ATE1: variants seen among roughly 807,000 people sequenced by gnomAD.
The protein encoded by ATE1 is arginyl-tRNA--protein transferase 1.
Under a neutral mutation model 70.5 loss-of-function variants are expected in ATE1, and 36 were observed. The ratio of observed to expected loss-of-function variants is 0.51; its 90% confidence interval spans 0.39 to 0.67. The LOEUF (loss-of-function observed/expected upper bound fraction) is 0.67. Among genes scored for constraint, ATE1 ranks in the 30% least tolerant of loss-of-function variants. The pLI is 0.00. For synonymous variants in ATE1, 232 were observed against 219.3 expected (o/e 1.06, Z -0.51); for missense variants, 593 against 629.5 (o/e 0.94, Z 0.62).
rs528034769 is a variant in ATE1, at chr10:121,854,017, C to T, written c.976-12754G>A. ...GGCCTCACCTCTTAGAATACTATGACACTGAGTATTAGGTTCTAACATATA... is the reference window on the plus strand; with the variant it reads ...GGCCTCACCTCTTAGAATACTATGATACTGAGTATTAGGTTCTAACATATA... On this transcript the variant is annotated intron_variant, in intron 8 of 11. Coordinates refer to ENST00000224652, the MANE Select transcript of ATE1 (RefSeq NM_001001976.3). Among the ~76,000 whole-genome samples, 16 of 152,310 alleles carry T rather than the reference C, an allele frequency of 1.1e-4. No homozygotes were observed. In the Middle Eastern group the frequency reaches 0.01, roughly 97 times the overall value.
chr10:121,809,932 G>T (rs562048832), intron 10 of ATE1, among the ~76,000 whole-genome samples: 3 of 152,000 alleles, frequency 2.0e-5, no homozygotes, highest in African/African-American at 7.2e-5. Flanking sequence ...CCAGAGGTTA[G>T]TGGTCAACAG....
rs7906948 is a variant in ATE1 at position 121,909,358 on chromosome 10, T to C, written c.583+1548A>G. Among the ~76,000 whole-genome samples the C allele has an allele frequency of 7.9e-3, 1,197 of 152,286 alleles. 18 individuals carry two copies. Among genetic ancestry groups the C allele is most frequent in the African/African-American group, 0.028 (1,157 of 41,560 alleles). On this transcript the variant is annotated intron_variant, in intron 5 of 11. Transcript: ENST00000224652. ...TTATCTGGATCCTAACACAAACAAA[T>C]GTTTAAAAATTGGAATTTGAACACT...
At chr10:121,817,505 C>T (rs1185743681) in intron 10 of ATE1, among the ~76,000 whole-genome samples, 2 of 151,056 alleles carry the variant, frequency 1.3e-5, no homozygotes, top group East Asian at 1.9e-4. Context: ...CGCCACTGCA[C>T]TCCAGCCTGG....
At chr10:121,781,294 G>A (rs1053224859) in intron 11 of ATE1, among the ~76,000 whole-genome samples, 1 of 152,142 alleles carries the variant, frequency 6.6e-6, no homozygotes, top group Admixed American at 6.5e-5. Flanking sequence ...GGCAGGCAAG[G>A]TCTGTCTCTC....
chr10:121,806,017 G>C (rs1047900602), intron 10 of ATE1, among the ~76,000 whole-genome samples: 1 of 152,162 alleles, frequency 6.6e-6, no homozygotes, highest in African/African-American at 2.4e-5. Flanking sequence ...AGCATCACAT[G>C]GGTAGTATTC....
intron 11 of ATE1, among the ~76,000 whole-genome samples, chr10:121,749,527 TAC>T (rs56700054): frequency 0.014 from 2,102 of 152,276 alleles, 44 homozygotes; most frequent in African/African-American, 0.048. Context: ...AAAGGAAAGA[TAC>T]ACTATCCATT....
chr10:121,879,247 T>C (rs957148452), intron 7 of ATE1, among the ~76,000 whole-genome samples: 2 of 152,176 alleles, frequency 1.3e-5, no homozygotes, highest in African/African-American at 2.4e-5. Context: ...CTACCTGAAA[T>C]GTACTTCCCC....
intron 8 of ATE1, among the ~76,000 whole-genome samples, chr10:121,858,328 C>T (rs796467896): frequency 5.7e-4 from 86 of 152,212 alleles, no homozygotes; most frequent in African/African-American, 1.9e-3. Context: ...TACAACCATG[C>T]CAACAGTTAC....
At chr10:121,806,308 C>T (rs929581492) in intron 10 of ATE1, among the ~76,000 whole-genome samples, 12 of 152,008 alleles carry the variant, frequency 7.9e-5, no homozygotes, top group Non-Finnish European at 1.5e-4. Context: ...TAAAAATTAG[C>T]CAGATGTGAT....
At chr10:121,900,521 C>A (rs1950939476) in intron 6 of ATE1, among the ~76,000 whole-genome samples, 2 of 152,178 alleles carry the variant, frequency 1.3e-5, no homozygotes, top group Admixed American at 1.3e-4. Context: ...TCAAATCTTA[C>A]AATGTCACCA....
chr10:121,770,233 AACACACACACACAC>A (rs3036837), intron 11 of ATE1, among the ~76,000 whole-genome samples: 1,381 of 136,924 alleles, frequency 0.01, 19 homozygotes, highest in Non-Finnish European at 0.015. Context: ...ACAAGAGAGA[AACACACACACACAC>A]ACACACACAC....
At chr10:121,886,447 C>G (rs1449114977) in intron 7 of ATE1, among the ~76,000 whole-genome samples, 2 of 152,030 alleles carry the variant, frequency 1.3e-5, no homozygotes, top group African/African-American at 4.8e-5. Flanking sequence ...TATACATGGT[C>G]CCAGTGTGAG....
At chr10:121,778,762 C>T (rs754565912) in intron 11 of ATE1, among the ~76,000 whole-genome samples, 2 of 151,740 alleles carry the variant, frequency 1.3e-5, no homozygotes, top group African/African-American at 2.4e-5. Flanking sequence ...CCACCACGCC[C>T]GGCTAATTTT....
rs1323272094 is a variant in ATE1, at chr10:121,821,156, G to GA, written c.1257+15561_1257+15562insT. 2.6e-5 allele frequency among the ~76,000 whole-genome samples: 4 copies of GA among 152,250 alleles called. No homozygotes were observed. In the East Asian group the frequency reaches 7.8e-4, roughly 30 times the overall value. On this transcript the variant is annotated intron_variant, in intron 10 of 11. Transcript: ENST00000224652. Reference sequence around the variant, plus strand: ...AGACGGGGTTTCACCATGTTAGCCAGGATGGTCTCGATCTCCTGACCTCGT... The same window carrying GA: ...AGACGGGGTTTCACCATGTTAGCCAGAGATGGTCTCGATCTCCTGACCTCGT...
chr10:121,914,698 C>T (rs1951573254), intron 3 of ATE1, among the ~76,000 whole-genome samples: 1 of 152,136 alleles, frequency 6.6e-6, no homozygotes, highest in Non-Finnish European at 1.5e-5. Flanking sequence ...AGACGACTCC[C>T]TACTCAACCC....
chr10:121,915,980 T>C (rs867244372), intron 3 of ATE1, among the ~76,000 whole-genome samples: 31 of 150,690 alleles, frequency 2.1e-4, no homozygotes, highest in Middle Eastern at 3.6e-3. Flanking sequence ...CTCATGCCTG[T>C]AATATCAGCA....
intron 7 of ATE1, among the ~76,000 whole-genome samples, chr10:121,888,707 G>A (rs534989218): frequency 2.0e-4 from 31 of 152,196 alleles, no homozygotes; most frequent in Non-Finnish European, 3.4e-4. Context: ...CACTTTTCAC[G>A]GTAGCCTCAT....
At chr10:121,831,316 G>A (rs934211768) in intron 10 of ATE1, among the ~76,000 whole-genome samples, 2 of 152,022 alleles carry the variant, frequency 1.3e-5, no homozygotes, top group African/African-American at 2.4e-5. Flanking sequence ...GTTATTTCTT[G>A]GAACACTAAC....
chr10:121,927,297 G>A (rs1445366595), intron 1 of ATE1: 1 of 984,788 alleles, frequency 1.0e-6, no homozygotes, highest in Non-Finnish European at 1.2e-6. Context: ...ATCCCTCGCC[G>A]GTAGCGACCG....
Sources: gnomAD v4.1 joint callset for allele counts (sites outside exome capture counted in the v4.1 genomes callset) on GRCh38, gnomAD v4.1.1 for gene constraint, MANE v1.5 for transcripts, NCBI Gene and HGNC (gene_info 2026-07-23, HGNC 2026-07-21) for gene names.